The following KCNQ3 variants were observed in gnomAD, a reference collection of about 807,000 sequenced individuals.
The protein encoded by KCNQ3 is potassium voltage-gated channel subfamily Q member 3, also known as potassium voltage-gated channel subfamily KQT member 3.
KCNQ3 carries 30 observed loss-of-function variants against 92.5 expected under a neutral mutation model. That is an observed-to-expected ratio of 0.32 (90% CI 0.24 to 0.44). The LOEUF is 0.44. KCNQ3 is among the 20% of genes least tolerant of loss of function. KCNQ3 has a pLI of 1.00. For missense variants in KCNQ3, 913 were observed against 1,140.3 expected (o/e 0.80, Z 2.87); for synonymous variants, 450 against 468.8 (o/e 0.96, Z 0.52).
At chr8:132,471,509 T>C (rs1296798217) in intron 1 of KCNQ3, among the ~76,000 whole-genome samples, 1 of 152,332 alleles carries the variant, frequency 6.6e-6, no homozygotes, top group Non-Finnish European at 1.5e-5. Flanking sequence ...AAGTATTTAC[T>C]AAATGCTGAT....
intron 1 of KCNQ3, among the ~76,000 whole-genome samples, chr8:132,419,462 A>G (rs1363533228): frequency 6.6e-6 from 1 of 152,156 alleles, no homozygotes; most frequent in Non-Finnish European, 1.5e-5. Flanking sequence ...AAATTCACAC[A>G]AAAAACATCC....
chr8:132,132,347 A>C lies in KCNQ3; in HGVS notation c.1800-83T>G, dbSNP rs1439114382. ...AATTTCGGCTAGGCAGGCCATGGCC[A>C]ACAGAGCCATCGTTCTCACCCTCAC... On this transcript the variant is annotated intron_variant, in intron 13 of 14. Coordinates refer to ENST00000388996, the MANE Select transcript of KCNQ3 (RefSeq NM_004519.4). 70 of 1,033,070 alleles carry C rather than the reference A, an allele frequency of 6.8e-5. No individual in the cohort carries two copies. The Admixed American group carries it at 1.2e-3, about 18-fold the overall frequency. The allele number at this position is 1,033,070 out of a possible 1,614,324, so 64.0% of individuals were successfully genotyped here. A position where few individuals can be genotyped will look rare whatever the true frequency, so the allele number is the denominator to read the frequency against.
At position 132,337,910 on chromosome 8, in the gene KCNQ3, A is replaced by G. The variant is rs572965968; in HGVS notation, c.386+142237T>C. Among the ~76,000 whole-genome samples, 6 of 152,362 alleles carry G rather than the reference A, an allele frequency of 3.9e-5. No homozygotes were observed. In the South Asian group the frequency reaches 8.3e-4, roughly 21 times the overall value. ...TTGCAAACCACTTGCCAAGAGAGGA[A>G]CATCATAAATGCACATGATATTCTT... is the stretch of plus-strand genomic sequence containing the variant. On this transcript the variant is annotated intron_variant, in intron 1 of 14. Coordinates refer to ENST00000388996, the MANE Select transcript of KCNQ3 (RefSeq NM_004519.4).
chr8:132,466,094 C>T (rs550028236), intron 1 of KCNQ3, among the ~76,000 whole-genome samples: 1 of 152,224 alleles, frequency 6.6e-6, no homozygotes, highest in East Asian at 1.9e-4. Context: ...TCTGAGAACA[C>T]TATAATTCCA....
chr8:132,213,477 T>C (rs1340667403), intron 1 of KCNQ3, among the ~76,000 whole-genome samples: 1 of 152,194 alleles, frequency 6.6e-6, no homozygotes, highest in Non-Finnish European at 1.5e-5. Flanking sequence ...GACAGGCTAT[T>C]TCATTTTTCT....
At chr8:132,296,330 G>T (rs1186298714) in intron 1 of KCNQ3, among the ~76,000 whole-genome samples, 1 of 151,988 alleles carries the variant, frequency 6.6e-6, no homozygotes, top group Non-Finnish European at 1.5e-5. Flanking sequence ...GACAAAAAGT[G>T]AGGGTAGCAA....
intron 7 of KCNQ3, among the ~76,000 whole-genome samples, chr8:132,171,365 GCCATGC>G (rs1201425046): frequency 6.6e-6 from 1 of 151,984 alleles, no homozygotes; most frequent in African/African-American, 2.4e-5. Context: ...CCAGTGGGTG[GCCATGC>G]CCTCGCACAC....
intron 1 of KCNQ3, among the ~76,000 whole-genome samples, chr8:132,343,702 A>G (rs966093347): frequency 4.6e-5 from 7 of 151,982 alleles, no homozygotes; most frequent in African/African-American, 1.4e-4. Flanking sequence ...CCTACCACCC[A>G]AGAGATACTC....
chr8:132,288,577 C>G (rs555030715), intron 1 of KCNQ3, among the ~76,000 whole-genome samples: 1 of 152,288 alleles, frequency 6.6e-6, no homozygotes, highest in African/African-American at 2.4e-5. Flanking sequence ...AAGGCTGAGA[C>G]TGTCATATTT....
chr8:132,456,228 C>T (rs1376343258), intron 1 of KCNQ3, among the ~76,000 whole-genome samples: 1 of 152,114 alleles, frequency 6.6e-6, no homozygotes, highest in African/African-American at 2.4e-5. Context: ...TTCTCTCTGC[C>T]CACCCCCAAT....
At chr8:132,300,496 C>A (rs1273967527) in intron 1 of KCNQ3, among the ~76,000 whole-genome samples, 1 of 152,152 alleles carries the variant, frequency 6.6e-6, no homozygotes, top group East Asian at 1.9e-4. Context: ...CCAGAACCTG[C>A]TGAGAGGTAC....
chr8:132,395,060 G>T (rs1820158850), intron 1 of KCNQ3, among the ~76,000 whole-genome samples: 1 of 152,120 alleles, frequency 6.6e-6, no homozygotes, highest in South Asian at 2.1e-4. Flanking sequence ...GTGCTAATAG[G>T]TGCTTCATTA....
At chr8:132,262,616 G>T (rs563478289) in intron 1 of KCNQ3, among the ~76,000 whole-genome samples, 6 of 148,182 alleles carry the variant, frequency 4.0e-5, no homozygotes, top group Admixed American at 1.4e-4. Flanking sequence ...CAGTGAAGGG[G>T]TGGAATTTCT....
chr8:132,280,850 G>T (rs1816492663), intron 1 of KCNQ3, among the ~76,000 whole-genome samples: 1 of 152,202 alleles, frequency 6.6e-6, no homozygotes, highest in African/African-American at 2.4e-5. Flanking sequence ...TCACGTAGTT[G>T]GCAGAGAACA....
At chr8:132,368,662 G>C (rs918467181) in intron 1 of KCNQ3, among the ~76,000 whole-genome samples, 2 of 150,478 alleles carry the variant, frequency 1.3e-5, no homozygotes, top group Non-Finnish European at 2.9e-5. Flanking sequence ...CAAAAAAAAA[G>C]AAAAGAAAAG....
At chr8:132,328,347 T>C (rs778384795) in intron 1 of KCNQ3, among the ~76,000 whole-genome samples, 12 of 151,940 alleles carry the variant, frequency 7.9e-5, no homozygotes, top group Non-Finnish European at 1.2e-4. Context: ...GAGGGGCAAA[T>C]CGACTGAGGC....
intron 1 of KCNQ3, among the ~76,000 whole-genome samples, chr8:132,205,310 A>G (rs1425915972): frequency 1.3e-5 from 2 of 152,264 alleles, no homozygotes; most frequent in Non-Finnish European, 2.9e-5. Flanking sequence ...CTAAAAATCC[A>G]TAAACCTCAA....
chr8:132,195,564 C>T (rs1373462490), intron 1 of KCNQ3, among the ~76,000 whole-genome samples: 1 of 152,012 alleles, frequency 6.6e-6, no homozygotes, highest in Non-Finnish European at 1.5e-5. Context: ...ATGTAGTCAT[C>T]GGTACATGCC....
At chr8:132,232,633 T>A (rs1458462450) in intron 1 of KCNQ3, among the ~76,000 whole-genome samples, 1 of 152,224 alleles carries the variant, frequency 6.6e-6, no homozygotes, top group Non-Finnish European at 1.5e-5. Context: ...ATCCTTAACA[T>A]CTAGAACAGA....
Sources: gnomAD v4.1 joint callset for allele counts (sites outside exome capture counted in the v4.1 genomes callset) on GRCh38, gnomAD v4.1.1 for gene constraint, MANE v1.5 for transcripts, NCBI Gene and HGNC (gene_info 2026-07-23, HGNC 2026-07-21) for gene names.